CSMD1: variants seen among roughly 807,000 people sequenced by gnomAD.
CSMD1 encodes CUB and sushi domain-containing protein 1.
Under a neutral mutation model 417.5 loss-of-function variants are expected in CSMD1, and 213 were observed. That is an observed-to-expected ratio of 0.51 (90% CI 0.46 to 0.57). The LOEUF (loss-of-function observed/expected upper bound fraction) is 0.57, where lower values mean the gene tolerates loss of function less well. CSMD1 is among the 20% of genes least tolerant of loss of function. CSMD1 has a pLI of 0.00. For synonymous variants in CSMD1, 2,862 were observed against 1,736.8 expected, an observed-to-expected ratio of 1.65 and a Z score of -16.11; for missense variants, 6,923 against 4,529.7, an observed-to-expected ratio of 1.53 and a Z score of -15.17.
At chr8:3,073,012 T>G (rs941649236) in intron 49 of CSMD1, among the ~76,000 whole-genome samples, 1 of 152,172 alleles carries the variant, frequency 6.6e-6, no homozygotes, top group African/African-American at 2.4e-5. Context: ...AAAATTAATT[T>G]TTTCCACTCT....
chr8:3,936,417 A>T (rs1236691101), intron 5 of CSMD1, among the ~76,000 whole-genome samples: 1 of 152,198 alleles, frequency 6.6e-6, no homozygotes, highest in Non-Finnish European at 1.5e-5. Context: ...AAAGCTTCAG[A>T]AGACAGGCTG....
chr8:4,000,447 C>A (rs1043828968), intron 4 of CSMD1, among the ~76,000 whole-genome samples: 1 of 152,188 alleles, frequency 6.6e-6, no homozygotes, highest in African/African-American at 2.4e-5. Flanking sequence ...AGAACATATT[C>A]CAGCCATGAG....
intron 3 of CSMD1, among the ~76,000 whole-genome samples, chr8:4,155,653 C>T (rs575495133): frequency 6.6e-6 from 1 of 152,266 alleles, no homozygotes; most frequent in East Asian, 1.9e-4. Flanking sequence ...ACATAATACA[C>T]ATTCAAAGAA....
intron 5 of CSMD1, among the ~76,000 whole-genome samples, chr8:3,770,597 G>A (rs912606080): frequency 6.6e-6 from 1 of 152,162 alleles, no homozygotes. Context: ...CGCACATGCA[G>A]AACGGCCATA....
At chr8:3,422,190 T>C (rs190204586) in intron 12 of CSMD1, among the ~76,000 whole-genome samples, 2 of 152,302 alleles carry the variant, frequency 1.3e-5, no homozygotes, top group East Asian at 3.9e-4. Flanking sequence ...ATTTTCAGTC[T>C]TGTTGCCTCT....
intron 41 of CSMD1, among the ~76,000 whole-genome samples, chr8:3,123,019 T>G (rs1817295175): frequency 1.3e-5 from 2 of 152,236 alleles, no homozygotes; most frequent in African/African-American, 4.8e-5. Context: ...GAAACAATTA[T>G]GTCTTAAAGG....
chr8:4,513,158 C>T (rs901957640), intron 2 of CSMD1, among the ~76,000 whole-genome samples: 3 of 152,034 alleles, frequency 2.0e-5, no homozygotes, highest in Admixed American at 6.6e-5. Flanking sequence ...TTTGGTTAAT[C>T]GAAATATGTC....
intron 1 of CSMD1, among the ~76,000 whole-genome samples, chr8:4,947,812 C>T (rs376410233): frequency 6.6e-6 from 1 of 152,042 alleles, no homozygotes; most frequent in African/African-American, 2.4e-5. Context: ...TAAAACTCAT[C>T]AAGTTTTTGC....
chr8:2,996,290 TA>T (rs1253374055), intron 54 of CSMD1, among the ~76,000 whole-genome samples: 6 of 152,220 alleles, frequency 3.9e-5, no homozygotes, highest in Non-Finnish European at 7.3e-5. Context: ...TTTACCATGT[TA>T]AAACATAATG....
chr8:3,759,477 T>C (rs917808833), intron 5 of CSMD1, among the ~76,000 whole-genome samples: 6 of 152,188 alleles, frequency 3.9e-5, no homozygotes. Context: ...TAGCCACACT[T>C]CTTTTAGGCC....
intron 34 of CSMD1, among the ~76,000 whole-genome samples, chr8:3,189,398 T>C (rs1419769212): frequency 2.0e-5 from 3 of 152,232 alleles, no homozygotes; most frequent in African/African-American, 2.4e-5. Flanking sequence ...ATGGGATTTA[T>C]GAGCAAATTC....
intron 5 of CSMD1, among the ~76,000 whole-genome samples, chr8:3,962,583 G>A (rs970129115): frequency 2.6e-5 from 4 of 152,146 alleles, no homozygotes; most frequent in African/African-American, 9.7e-5. Flanking sequence ...AGTAAGCAAT[G>A]AAATCCATGC....
At chr8:3,025,687 G>A (rs1229959039) in intron 51 of CSMD1, among the ~76,000 whole-genome samples, 1 of 152,200 alleles carries the variant, frequency 6.6e-6, no homozygotes, top group Non-Finnish European at 1.5e-5. Context: ...AGAAGGTGCT[G>A]AGAATCCAGC....
intron 6 of CSMD1, among the ~76,000 whole-genome samples, chr8:3,725,699 G>A (rs1437784139): frequency 1.4e-5 from 2 of 148,108 alleles, no homozygotes; most frequent in Non-Finnish European, 1.5e-5. Flanking sequence ...AGCCACCACT[G>A]CAATGAGAGA....
intron 1 of CSMD1, among the ~76,000 whole-genome samples, chr8:4,658,119 A>G (rs192857972): frequency 6.6e-6 from 1 of 152,114 alleles, no homozygotes; most frequent in African/African-American, 2.4e-5. Context: ...ACCATGAAAC[A>G]TAACAATATA....
intron 2 of CSMD1, among the ~76,000 whole-genome samples, chr8:4,572,507 C>A (rs952150459): frequency 2.6e-5 from 4 of 152,170 alleles, no homozygotes; most frequent in Non-Finnish European, 4.4e-5. Flanking sequence ...GACGGGCTTG[C>A]CTTTGTGGGT....
At chr8:3,252,801 G>A (rs1800371223) in intron 26 of CSMD1, among the ~76,000 whole-genome samples, 1 of 152,152 alleles carries the variant, frequency 6.6e-6, no homozygotes, top group Non-Finnish European at 1.5e-5. Flanking sequence ...GAGGGTGTAT[G>A]TGTCCAGAAA....
chr8:4,375,377 G>C (rs1802667112), intron 3 of CSMD1, among the ~76,000 whole-genome samples: 1 of 152,098 alleles, frequency 6.6e-6, no homozygotes, highest in South Asian at 2.1e-4. Flanking sequence ...GCACTTTTGA[G>C]AGGAAAACAG....
At chr8:3,241,980 C>T (rs930716734) in intron 26 of CSMD1, among the ~76,000 whole-genome samples, 4 of 108,254 alleles carry the variant, frequency 3.7e-5, no homozygotes, top group Admixed American at 1.9e-4. Context: ...GCCTTTTGAC[C>T]TTTTAGGGTC....
Sources: gnomAD v4.1 joint callset for allele counts (sites outside exome capture counted in the v4.1 genomes callset) on GRCh38, gnomAD v4.1.1 for gene constraint, MANE v1.5 for transcripts, NCBI Gene and HGNC (gene_info 2026-07-23, HGNC 2026-07-21) for gene names.